The following TRHDE variants were observed in gnomAD, a reference collection of about 807,000 sequenced individuals.
The protein encoded by TRHDE is thyrotropin releasing hormone degrading enzyme.
TRHDE carries 72 observed loss-of-function variants against 125.7 expected under a neutral mutation model. The ratio of observed to expected loss-of-function variants is 0.57; its 90% CI spans 0.47 to 0.70. The LOEUF (loss-of-function observed/expected upper bound fraction) is 0.70. Among genes scored for constraint, TRHDE ranks in the 30% least tolerant of loss-of-function variants. The pLI is 0.00. For missense variants in TRHDE, 1,110 were observed against 1,327.1 expected (o/e 0.84, Z 2.54); for synonymous variants, 509 against 509.1 (o/e 1.00, Z 0.00).
At chr12:72,095,059 C>T (rs1874880827) in intron 1 of TRHDE, among the ~76,000 whole-genome samples, 1 of 152,200 alleles carries the variant, frequency 6.6e-6, no homozygotes, top group Non-Finnish European at 1.5e-5. Context: ...TTCTCAAGAA[C>T]ATACCAGCTC....
At chr12:72,250,645 G>A (rs937250002) in intron 2 of TRHDE, among the ~76,000 whole-genome samples, 5 of 151,884 alleles carry the variant, frequency 3.3e-5, no homozygotes, top group African/African-American at 1.2e-4. Context: ...TTGGCACTAA[G>A]CTGCTTTGAA....
At chr12:72,475,506 A>G (rs1349917263) in intron 5 of TRHDE, among the ~76,000 whole-genome samples, 1 of 152,192 alleles carries the variant, frequency 6.6e-6, no homozygotes, top group East Asian at 1.9e-4. Context: ...TAGCATGGTA[A>G]TATATCTTCA....
At chr12:72,419,508 T>C (rs1223718337) in intron 3 of TRHDE, among the ~76,000 whole-genome samples, 2 of 152,010 alleles carry the variant, frequency 1.3e-5, no homozygotes. Flanking sequence ...TGTCACATGG[T>C]GAGAGTGGGA....
In TRHDE at chr12:72,394,830, C is replaced by T. The variant is rs1241324152; in HGVS notation, c.1315+16709C>T. Among the ~76,000 whole-genome samples the T allele has an allele frequency of 3.9e-5, 6 of 152,226 alleles. No homozygotes were observed. The East Asian group carries it at 5.8e-4, about 15-fold the overall frequency. On this transcript the variant is annotated intron_variant, in intron 3 of 18. Coordinates refer to ENST00000261180, the MANE Select transcript of TRHDE (RefSeq NM_013381.3). ...TGGCTACCTGACTGGATGTAGGTGA[C>T]GTATGCCTCCTGCTTCCTCATCTTG...
chr12:72,541,891 A>G (rs992766128), intron 6 of TRHDE, among the ~76,000 whole-genome samples: 5 of 151,382 alleles, frequency 3.3e-5, no homozygotes. Context: ...TTTTACTTCA[A>G]AGTTATATTT....
intron 2 of TRHDE, among the ~76,000 whole-genome samples, chr12:72,220,168 CT>C (rs1877974109): frequency 6.6e-6 from 1 of 152,086 alleles, no homozygotes; most frequent in South Asian, 2.1e-4. Context: ...GAGTGAAAGC[CT>C]TATATGACTT....
At chr12:72,239,511 T>A (rs1036244481) in intron 2 of TRHDE, among the ~76,000 whole-genome samples, 1 of 152,210 alleles carries the variant, frequency 6.6e-6, no homozygotes, top group Non-Finnish European at 1.5e-5. Context: ...AGGATTCTTA[T>A]GGTTTTAGGT....
chr12:72,451,415 G>C (rs1358682254), intron 3 of TRHDE, among the ~76,000 whole-genome samples: 3 of 152,150 alleles, frequency 2.0e-5, no homozygotes, highest in Non-Finnish European at 4.4e-5. Flanking sequence ...TGGCACATTT[G>C]CCAAAAGTCA....
At chr12:72,635,352 T>G (rs1873691389) in intron 15 of TRHDE, among the ~76,000 whole-genome samples, 1 of 152,200 alleles carries the variant, frequency 6.6e-6, no homozygotes, top group African/African-American at 2.4e-5. Flanking sequence ...TGGGGTTGCT[T>G]GTTTTTTTCT....
At chr12:72,563,156 T>C (rs1870265443) in intron 9 of TRHDE, 116 bp downstream of exon 9, 6 of 784,754 alleles carry the variant, frequency 7.6e-6, no homozygotes, top group Non-Finnish European at 1.2e-5. Context: ...AATATAGTTT[T>C]TGTTTCTTTA....
At chr12:72,644,294 A>T (rs1874189624) in intron 15 of TRHDE, among the ~76,000 whole-genome samples, 1 of 151,774 alleles carries the variant, frequency 6.6e-6, no homozygotes, top group Non-Finnish European at 1.5e-5. Flanking sequence ...GGGAGAAATG[A>T]GGTAGGTTCA....
chr12:72,465,674 T>C (rs1876337875), intron 3 of TRHDE, among the ~76,000 whole-genome samples: 1 of 152,182 alleles, frequency 6.6e-6, no homozygotes, highest in African/African-American at 2.4e-5. Flanking sequence ...TTATGAATAT[T>C]TGTGTACAAA....
At chr12:72,568,790 C>A (rs1870581027) in intron 10 of TRHDE, 134 bp downstream of exon 10, 2 of 517,988 alleles carry the variant, frequency 3.9e-6, no homozygotes, top group Non-Finnish European at 6.8e-6. Flanking sequence ...TGATTATCAA[C>A]CCTATAAAAT....
chr12:72,218,188 G>GT (rs1396036107), intron 2 of TRHDE, among the ~76,000 whole-genome samples: 1 of 152,040 alleles, frequency 6.6e-6, no homozygotes, highest in African/African-American at 2.4e-5. Context: ...TCACAATTTT[G>GT]TATAAGTGAG....
intron 2 of TRHDE, among the ~76,000 whole-genome samples, chr12:72,132,378 A>G (rs1358448102): frequency 6.6e-6 from 1 of 152,216 alleles, no homozygotes; most frequent in Non-Finnish European, 1.5e-5. Flanking sequence ...TTCAGGGGGC[A>G]CTGCTTTGGG....
chr12:72,252,298 T>C (rs1878702189), intron 2 of TRHDE, among the ~76,000 whole-genome samples: 1 of 152,120 alleles, frequency 6.6e-6, no homozygotes. Flanking sequence ...GATTAATTTT[T>C]GTATAAGATG....
At chr12:72,191,639 C>T (rs189161426) in intron 2 of TRHDE, among the ~76,000 whole-genome samples, 1 of 151,744 alleles carries the variant, frequency 6.6e-6, no homozygotes, top group Admixed American at 6.6e-5. Context: ...TATAATGTAC[C>T]CTTAAAATAT....
rs1875211595 is a variant in TRHDE at position 72,670,025 on chromosome 12, T to C, written c.*6830T>C. 6.6e-6 allele frequency: 1 copy of C among 151,746 alleles called. No homozygotes were observed. The highest frequency in any genetic ancestry group is 2.1e-4 in the South Asian group (1 of 4,832). The allele number at this position is 151,746 out of a possible 1,614,324, so 9.4% of individuals were successfully genotyped here. On this transcript the variant is annotated 3_prime_UTR_variant, in exon 19 of 19. Coordinates refer to ENST00000261180, the MANE Select transcript of TRHDE (RefSeq NM_013381.3). The stretch of plus-strand genomic sequence containing the variant: ...TCATAATTGGCTTTCTGGACACCAC[T>C]GAGTTTATTAGATAATCTTTAAAAA...
chr12:72,182,503 C>G (rs1388111488), intron 2 of TRHDE, among the ~76,000 whole-genome samples: 1 of 152,210 alleles, frequency 6.6e-6, no homozygotes, highest in African/African-American at 2.4e-5. Context: ...CCAAAATTGG[C>G]TGGCTTCTTA....
Sources: allele counts gnomAD v4.1 joint callset (sites outside exome capture counted in the v4.1 genomes callset), GRCh38; gene constraint gnomAD v4.1.1; transcripts MANE v1.5; gene names NCBI Gene and HGNC (gene_info 2026-07-23, HGNC 2026-07-21).